The following CACNA2D3 variants were observed in gnomAD, a reference collection of about 807,000 sequenced individuals.
CACNA2D3 encodes the protein calcium voltage-gated channel auxiliary subunit alpha2delta 3, also known as voltage-dependent calcium channel subunit alpha-2/delta-3.
A neutral mutation model predicts 160.6 loss-of-function variants in CACNA2D3; 60 were observed. The observed-to-expected ratio is 0.37, with a 90% CI of 0.30 to 0.46. The LOEUF is 0.46. Ranked by LOEUF, CACNA2D3 falls within the 20% of genes least tolerant of loss-of-function variation. The pLI, the probability that CACNA2D3 is intolerant of heterozygous loss-of-function variation, is 1.00. For missense variants in CACNA2D3, 1,205 were observed against 1,365.0 expected (o/e 0.88, Z 1.85); for synonymous variants, 558 against 492.9 (o/e 1.13, Z -1.75).
intron 4 of CACNA2D3, among the ~76,000 whole-genome samples, chr3:54,387,885 G>A (rs1375521): frequency 0.33 from 50,686 of 151,916 alleles, 8,686 homozygotes; most frequent in East Asian, 0.41. Context: ...TTTATATGGG[G>A]AATAGAAAGG....
chr3:54,162,814 A>T (rs1358738189), intron 2 of CACNA2D3, among the ~76,000 whole-genome samples: 2 of 152,196 alleles, frequency 1.3e-5, no homozygotes, highest in African/African-American at 4.8e-5. Context: ...GATACGTAAG[A>T]CAGATGGAAT....
chr3:54,821,998 G>A (rs1703614730), intron 14 of CACNA2D3, among the ~76,000 whole-genome samples: 1 of 152,108 alleles, frequency 6.6e-6, no homozygotes, highest in Non-Finnish European at 1.5e-5. Flanking sequence ...CATCTAAACT[G>A]ATGCAAATGA....
chr3:54,638,742 A>C (rs1307304958), intron 10 of CACNA2D3: 1 of 151,958 alleles, frequency 6.6e-6, no homozygotes, highest in Non-Finnish European at 1.5e-5. Flanking sequence ...TGCCCATTTT[A>C]CGCCAAGAAT....
chr3:54,946,741 A>G (rs1248112097), intron 27 of CACNA2D3, among the ~76,000 whole-genome samples: 3 of 152,060 alleles, frequency 2.0e-5, no homozygotes, highest in Middle Eastern at 3.2e-3. Context: ...AAAGAATCCA[A>G]TCCTTTCTTA....
At chr3:54,475,984 A>AC (rs1236734538) in intron 4 of CACNA2D3, among the ~76,000 whole-genome samples, 1 of 149,206 alleles carries the variant, frequency 6.7e-6, no homozygotes, top group African/African-American at 2.5e-5. Flanking sequence ...TTTGACCAAC[A>AC]TCTCCCCCTT....
At chr3:54,819,560 T>G (rs2694120) in intron 14 of CACNA2D3, among the ~76,000 whole-genome samples, 4,127 of 152,268 alleles carry the variant, frequency 0.027, 179 homozygotes, top group African/African-American at 0.091. Flanking sequence ...GAAACTCTGT[T>G]GTTGGGCCAG....
At chr3:55,015,910 G>A (rs1432631575) in intron 34 of CACNA2D3, among the ~76,000 whole-genome samples, 1 of 152,172 alleles carries the variant, frequency 6.6e-6, no homozygotes. Flanking sequence ...CCTCTTCTGT[G>A]TTGTTACTGT....
intron 3 of CACNA2D3, among the ~76,000 whole-genome samples, chr3:54,337,210 G>T (rs528504488): frequency 3.9e-5 from 6 of 152,332 alleles, no homozygotes; most frequent in Admixed American, 6.5e-5. Flanking sequence ...CATTTACAGT[G>T]AACTTTTCTT....
Position 54,217,959 on chromosome 3 carries a change from G to A in CACNA2D3, c.204+94365G>A, listed in dbSNP as rs901201715. Among the ~76,000 whole-genome samples the A allele has an allele frequency of 5.9e-5, 9 of 151,768 alleles. No homozygotes were observed. The South Asian group carries it at 6.3e-4, about 11-fold the overall frequency. ...AGAGGTAGAGAGAGAGGTGTGTTGA[G>A]GGGGGTGTTTTAGAGAGAGAGAGGC... On this transcript the variant is annotated intron_variant, in intron 2 of 37. Transcript: ENST00000474759.
intron 29 of CACNA2D3, among the ~76,000 whole-genome samples, chr3:54,979,019 G>C (rs564064492): frequency 3.9e-5 from 6 of 152,096 alleles, no homozygotes; most frequent in Non-Finnish European, 5.9e-5. Context: ...TTTCACATAG[G>C]CTTTTAAATT....
chr3:54,178,298 C>A (rs757717254), intron 2 of CACNA2D3, among the ~76,000 whole-genome samples: 1 of 152,192 alleles, frequency 6.6e-6, no homozygotes, highest in East Asian at 1.9e-4. Flanking sequence ...GCTTTAGATA[C>A]GGCTTCAGCC....
chr3:54,754,311 C>T (rs1701929844), intron 12 of CACNA2D3, among the ~76,000 whole-genome samples: 1 of 152,244 alleles, frequency 6.6e-6, no homozygotes, highest in Non-Finnish European at 1.5e-5. Context: ...CGAGCAGTCA[C>T]TATCCACCAA....
At chr3:54,742,384 CTCCATCCTGGG>C (rs1701669374) in intron 11 of CACNA2D3, among the ~76,000 whole-genome samples, 1 of 152,074 alleles carries the variant, frequency 6.6e-6, no homozygotes, top group Non-Finnish European at 1.5e-5. Context: ...AGCCACTGCA[CTCCATCCTGGG>C]TGGCAGAGTG....
intron 13 of CACNA2D3, among the ~76,000 whole-genome samples, chr3:54,813,437 A>G (rs79871095): frequency 0.011 from 1,730 of 152,316 alleles, 25 homozygotes; most frequent in African/African-American, 0.04. Context: ...GACATCACTC[A>G]TAGACAGACA....
chr3:54,659,423 A>G (rs1285520550), intron 11 of CACNA2D3, among the ~76,000 whole-genome samples: 1 of 152,194 alleles, frequency 6.6e-6, no homozygotes, highest in Admixed American at 6.5e-5. Flanking sequence ...TTTGTAAGTG[A>G]GAAAACTGAG....
intron 2 of CACNA2D3, among the ~76,000 whole-genome samples, chr3:54,284,640 A>C (rs1170115476): frequency 6.6e-6 from 1 of 152,194 alleles, no homozygotes; most frequent in Admixed American, 6.5e-5. Flanking sequence ...ACAGTGTGAG[A>C]ATAAAGTGTA....
chr3:54,537,910 G>A (rs1004275595), intron 5 of CACNA2D3, among the ~76,000 whole-genome samples: 1 of 152,114 alleles, frequency 6.6e-6, no homozygotes, highest in African/African-American at 2.4e-5. Context: ...ATCTCTGTTC[G>A]TTGCTCTCAT....
At chr3:54,331,439 C>A (rs1290802058) in intron 3 of CACNA2D3, among the ~76,000 whole-genome samples, 4 of 152,144 alleles carry the variant, frequency 2.6e-5, no homozygotes, top group Admixed American at 6.6e-5. Flanking sequence ...GTGAAGTAGG[C>A]AGCATACTTA....
chr3:54,858,303 A>G (rs527867798), intron 17 of CACNA2D3, among the ~76,000 whole-genome samples: 5 of 152,070 alleles, frequency 3.3e-5, no homozygotes, highest in Non-Finnish European at 7.4e-5. Context: ...GCTGGCTTCT[A>G]ACTTGCCCAG....
Sources: allele counts gnomAD v4.1 joint callset (sites outside exome capture counted in the v4.1 genomes callset), GRCh38; gene constraint gnomAD v4.1.1; transcripts MANE v1.5; gene names NCBI Gene and HGNC (gene_info 2026-07-23, HGNC 2026-07-21).